Variants in VIPR1 observed in about 807,000 individuals in gnomAD.
The protein encoded by VIPR1 is vasoactive intestinal polypeptide receptor 1.
In VIPR1, 59 loss-of-function variants were observed where a neutral mutation model predicts 58.8. The ratio of observed to expected loss-of-function variants is 1.00; its 90% confidence interval spans 0.81 to 1.25. The LOEUF is 1.25. VIPR1 is among the 50% of genes most tolerant of loss of function. The pLI is 0.00. For missense variants in VIPR1, 626 were observed against 602.7 expected, an observed-to-expected ratio of 1.04 and a Z score of -0.40; for synonymous variants, 251 against 242.1, an observed-to-expected ratio of 1.04 and a Z score of -0.34.
At chr3:42,500,950 G>A (rs1329056000), upstream of VIPR1, among the ~76,000 whole-genome samples, 1 of 152,182 alleles carries the variant, frequency 6.6e-6, no homozygotes, top group African/African-American at 2.4e-5. Context: ...TTCCCCTCAT[G>A]GCAAGGGGAT....
At chr3:42,517,741 A>C (rs1700705285) in intron 2 of VIPR1, among the ~76,000 whole-genome samples, 1 of 152,198 alleles carries the variant, frequency 6.6e-6, no homozygotes, top group Admixed American at 6.5e-5. Context: ...TGGGAGGCTG[A>C]GAGGCAGGTG....
At chr3:42,512,710 C>G (rs1044046383) in intron 1 of VIPR1, 27 of 983,574 alleles carry the variant, frequency 2.7e-5, no homozygotes, top group Non-Finnish European at 3.3e-5. Context: ...TTGCTGGACT[C>G]TCTTCTATGG....
chr3:42,525,084 C>T (rs918571291), intron 3 of VIPR1, among the ~76,000 whole-genome samples: 3 of 151,946 alleles, frequency 2.0e-5, no homozygotes, highest in African/African-American at 4.8e-5. Flanking sequence ...GATGGGGAAG[C>T]GTGATTCTTC....
chr3:42,490,592 C>T (rs765437419), intron 1 of VIPR1, among the ~76,000 whole-genome samples: 9 of 152,116 alleles, frequency 5.9e-5, no homozygotes, highest in African/African-American at 9.7e-5. Context: ...GGGTTGGGAG[C>T]CAGAGGGGAG....
At chr3:42,531,905 C>T in intron 9 of VIPR1, 36 bp downstream of exon 9, 10 of 1,613,114 alleles carry the variant, frequency 6.2e-6, no homozygotes, top group Non-Finnish European at 8.5e-6. Context: ...GATGGGGAAA[C>T]AGGCCCAAAG....
chr3:42,491,840 G>A (rs1699672267), intron 1 of VIPR1, among the ~76,000 whole-genome samples: 1 of 152,184 alleles, frequency 6.6e-6, no homozygotes, highest in African/African-American at 2.4e-5. Context: ...TTCCCAAAGT[G>A]CTAGGATTAT....
At chr3:42,492,798 A>G (rs1182134631) in intron 1 of VIPR1, among the ~76,000 whole-genome samples, 1 of 151,940 alleles carries the variant, frequency 6.6e-6, no homozygotes, top group African/African-American at 2.4e-5. Flanking sequence ...CCTGCTCCCC[A>G]CCTCCCACCT....
chr3:42,532,966 G>A (rs1477049123), intron 10 of VIPR1: 1 of 154,780 alleles, frequency 6.5e-6, no homozygotes, highest in Non-Finnish European at 1.4e-5. Flanking sequence ...AATGTCCATG[G>A]ACCAGGGCTT....
chr3:42,499,759 C>G (rs549567326), upstream of VIPR1, among the ~76,000 whole-genome samples: 1 of 151,954 alleles, frequency 6.6e-6, no homozygotes, highest in Non-Finnish European at 1.5e-5. Flanking sequence ...GTCCGTCGGC[C>G]CCCCCTCTGC....
chr3:42,518,163 C>T (rs1485612684), intron 2 of VIPR1, among the ~76,000 whole-genome samples: 2 of 151,796 alleles, frequency 1.3e-5, no homozygotes, highest in Admixed American at 6.6e-5. Context: ...CAATAAAGTA[C>T]CATGTACATA....
intron 1 of VIPR1, among the ~76,000 whole-genome samples, chr3:42,497,452 ACACACACACACG>A (rs920009202): frequency 2.4e-4 from 36 of 151,972 alleles, no homozygotes; most frequent in Admixed American, 9.2e-4. Context: ...ACATACATGC[ACACACACACACG>A]CACACACACA....
At chr3:42,496,010 G>A (rs190691421) in intron 1 of VIPR1, among the ~76,000 whole-genome samples, 2 of 152,180 alleles carry the variant, frequency 1.3e-5, no homozygotes, top group East Asian at 3.9e-4. Context: ...GCTGTTTCAA[G>A]CAGCCACATT....
intron 1 of VIPR1, among the ~76,000 whole-genome samples, chr3:42,495,339 T>TCTC (rs1699738354): frequency 6.6e-6 from 1 of 152,172 alleles, no homozygotes; most frequent in Non-Finnish European, 1.5e-5. Context: ...GCCAGGATGG[T>TCTC]TTCCATCTCC....
intron 1 of VIPR1, among the ~76,000 whole-genome samples, chr3:42,495,602 T>C (rs2125624365): frequency 6.6e-6 from 1 of 152,074 alleles, no homozygotes; most frequent in South Asian, 2.1e-4. Flanking sequence ...GTGAGCCCTT[T>C]AAAAGGAGGT....
chr3:42,514,697 G>A (rs1410358631), intron 2 of VIPR1, among the ~76,000 whole-genome samples: 3 of 152,102 alleles, frequency 2.0e-5, no homozygotes, highest in Admixed American at 1.3e-4. Flanking sequence ...ACAAGTCAAG[G>A]TCAGCCCCAG....
chr3:42,491,913 G>A (rs922834314), intron 1 of VIPR1, among the ~76,000 whole-genome samples: 11 of 152,110 alleles, frequency 7.2e-5, no homozygotes, highest in Non-Finnish European at 1.5e-4. Flanking sequence ...TACTCAATCC[G>A]GATACTGAGA....
At chr3:42,524,912 G>T (rs1701145145) in intron 3 of VIPR1, among the ~76,000 whole-genome samples, 2 of 152,154 alleles carry the variant, frequency 1.3e-5, no homozygotes, top group Non-Finnish European at 2.9e-5. Context: ...CTCACTGGAT[G>T]ATTGAGGAAA....
chr3:42,519,281 A>T lies in VIPR1; in HGVS notation c.243A>T (p.Val81=), dbSNP rs147118046. 5.3e-5 allele frequency: 86 copies of T among 1,610,900 alleles called. No homozygotes were observed. In the African/African-American group the frequency reaches 1.1e-3, roughly 21 times the overall value. The change falls in exon 3 of 13, where the codon GTA becomes GTT. Residue 81 remains valine (V), a synonymous_variant. Transcript: ENST00000325123. ...GGCCAGCCACCCCTCGGGGCCAGGT[A>T]GTTGTCTTGGCCTGTCCCCTCATCT... The part of the protein sequence containing the change: ...TCWPATPRGQ[V]VVLACPLIFK...
At chr3:42,490,127 G>A (rs917567120) in intron 1 of VIPR1, among the ~76,000 whole-genome samples, 2 of 152,122 alleles carry the variant, frequency 1.3e-5, no homozygotes, top group Non-Finnish European at 2.9e-5. Context: ...CAGGAGTTCA[G>A]CTTCCTCCTT....
Sources: allele counts gnomAD v4.1 joint callset (sites outside exome capture counted in the v4.1 genomes callset), GRCh38; gene constraint gnomAD v4.1.1; transcripts MANE v1.5; gene names NCBI Gene and HGNC (gene_info 2026-07-23, HGNC 2026-07-21).